PCED1B: variants seen among roughly 807,000 people sequenced by gnomAD.
PCED1B encodes the protein PC-esterase domain containing 1B, also known as PC-esterase domain-containing protein 1B.
For missense variants in PCED1B, 573 were observed against 573.9 expected (o/e 1.00, Z 0.02); for synonymous variants, 251 against 246.1 (o/e 1.02, Z -0.19).
intron 2 of PCED1B, among the ~76,000 whole-genome samples, chr12:47,197,615 AT>A (rs1942646361): frequency 6.6e-6 from 1 of 151,748 alleles, no homozygotes; most frequent in Non-Finnish European, 1.5e-5. Flanking sequence ...TCTCAAAAAA[AT>A]AAATAAATAA....
intron 2 of PCED1B, among the ~76,000 whole-genome samples, chr12:47,141,195 T>C (rs183300086): frequency 6.6e-6 from 1 of 152,226 alleles, no homozygotes; most frequent in African/African-American, 2.4e-5. Context: ...GAGGAAAAAG[T>C]GATGGAATAG....
In PCED1B at chr12:47,218,115, A is replaced by G. The variant is rs148665099; in HGVS notation, c.-58+1426A>G. 3.3e-4 allele frequency among the ~76,000 whole-genome samples: 50 copies of G among 152,304 alleles called. No homozygotes were observed. The East Asian group carries it at 9.6e-3, about 29-fold the overall frequency. ...CACAGCATTTCATTTGATTTCCACA[A>G]TTAACTCTAAGGTAGGCAGTGCAGA... On this transcript the variant is annotated intron_variant, in intron 3 of 3. Coordinates refer to ENST00000546455, the MANE Select transcript of PCED1B (RefSeq NM_138371.3).
intron 2 of PCED1B, among the ~76,000 whole-genome samples, chr12:47,165,300 A>G (rs1228673480): frequency 6.6e-6 from 1 of 152,202 alleles, no homozygotes; most frequent in Non-Finnish European, 1.5e-5. Flanking sequence ...TCCACATAGT[A>G]CTGCCTGTGG....
At chr12:47,131,887 T>C (rs923885046) in intron 2 of PCED1B, among the ~76,000 whole-genome samples, 1 of 152,106 alleles carries the variant, frequency 6.6e-6, no homozygotes, top group Admixed American at 6.5e-5. Flanking sequence ...CAGGGTGGTC[T>C]TGATCTCCTG....
Position 47,228,873 on chromosome 12 carries a change from CA to C in PCED1B, c.-57-6123del, listed in dbSNP as rs1191004753. Among the ~76,000 whole-genome samples, 950 of 137,610 alleles carry C rather than the reference CA, an allele frequency of 6.9e-3. 6 individuals carry two copies. The highest frequency in any genetic ancestry group is 0.024 in the African/African-American group (899 of 37,324). The allele number at this position is 137,610 out of a possible 152,430, so 90.3% of individuals were successfully genotyped here. The stretch of plus-strand genomic sequence containing the variant: ...GGGCAACCAGAGTGAAACTCCGTCT[CA>C]AAAAAAAAAAGTTACCTCATGAAGA... On this transcript the variant is annotated intron_variant, in intron 3 of 3. Transcript: ENST00000546455.
rs1943376434 is a variant in PCED1B at position 47,218,653 on chromosome 12, A to G, written c.-58+1964A>G. 4.5e-5 allele frequency among the ~76,000 whole-genome samples: 5 copies of G among 110,758 alleles called. No homozygotes were observed. The South Asian group carries it at 1.3e-3, about 28-fold the overall frequency. 72.7% of individuals were successfully genotyped at this position (110,758 alleles called of 152,430 possible). The stretch of plus-strand genomic sequence containing the variant: ...AGACATGCGCCACCACATCCTGATC[A>G]TTTTTAATTTTTTTTCTTTTTTTTT... On this transcript the variant is annotated intron_variant, in intron 3 of 3. Coordinates refer to ENST00000546455, the MANE Select transcript of PCED1B (RefSeq NM_138371.3).
At chr12:47,162,897 G>A (rs978383118) in intron 2 of PCED1B, among the ~76,000 whole-genome samples, 8 of 152,070 alleles carry the variant, frequency 5.3e-5, no homozygotes, top group Non-Finnish European at 8.8e-5. Flanking sequence ...TTGCAAGATC[G>A]CTTTGGCTAT....
intron 2 of PCED1B, among the ~76,000 whole-genome samples, chr12:47,184,861 A>C (rs832727): frequency 0.63 from 95,665 of 152,020 alleles, 30,222 homozygotes; most frequent in East Asian, 0.71. Flanking sequence ...AGTTTTGTGT[A>C]TGCATTGGAA....
chr12:47,158,532 C>T (rs1454278997), intron 2 of PCED1B, among the ~76,000 whole-genome samples: 1 of 152,002 alleles, frequency 6.6e-6, no homozygotes, highest in African/African-American at 2.4e-5. Context: ...TTATGAGTTC[C>T]ATTTATATTT....
intron 3 of PCED1B, among the ~76,000 whole-genome samples, chr12:47,222,862 G>A (rs924407558): frequency 7.9e-5 from 12 of 152,162 alleles, no homozygotes; most frequent in African/African-American, 2.9e-4. Context: ...ATACAAATGG[G>A]AATTGATAAG....
At chr12:47,193,074 T>C (rs938341044) in intron 2 of PCED1B, among the ~76,000 whole-genome samples, 1 of 152,242 alleles carries the variant, frequency 6.6e-6, no homozygotes, top group Non-Finnish European at 1.5e-5. Context: ...TAATTGTTTT[T>C]GCATGTCTCT....
chr12:47,181,666 C>T (rs766582346), intron 2 of PCED1B, among the ~76,000 whole-genome samples: 3 of 151,664 alleles, frequency 2.0e-5, no homozygotes, highest in East Asian at 1.9e-4. Flanking sequence ...CCCACCTGGC[C>T]GAGATAGATT....
At chr12:47,102,856 AAG>A (rs1938772824) in intron 1 of PCED1B, among the ~76,000 whole-genome samples, 1 of 152,248 alleles carries the variant, frequency 6.6e-6, no homozygotes, top group Non-Finnish European at 1.5e-5. Flanking sequence ...AGTAACGTAG[AAG>A]AGTTTCCTCA....
At chr12:47,095,911 C>T (rs1448495470) in intron 1 of PCED1B, among the ~76,000 whole-genome samples, 1 of 152,042 alleles carries the variant, frequency 6.6e-6, no homozygotes, top group South Asian at 2.1e-4. Flanking sequence ...ATCTGAGAAG[C>T]TTGGTTTTTT....
intron 3 of PCED1B, 95 bp downstream of exon 3, chr12:47,216,784 G>A (rs1176204946): frequency 2.0e-5 from 3 of 152,224 alleles, no homozygotes; most frequent in African/African-American, 7.2e-5. Flanking sequence ...GGCACTTACT[G>A]TAGACAGGAA....
chr12:47,119,858 G>A (rs1939598392), intron 2 of PCED1B, among the ~76,000 whole-genome samples: 1 of 151,726 alleles, frequency 6.6e-6, no homozygotes, highest in Non-Finnish European at 1.5e-5. Context: ...CCAGCTACTT[G>A]GGGGAGGCTG....
At chr12:47,228,923 G>C (rs1430530701) in intron 3 of PCED1B, among the ~76,000 whole-genome samples, 7 of 151,024 alleles carry the variant, frequency 4.6e-5, no homozygotes, top group Non-Finnish European at 8.8e-5. Flanking sequence ...AAGCACCTGG[G>C]ATCTAGTAGC....
At chr12:47,214,488 T>G (rs1943188344) in intron 2 of PCED1B, among the ~76,000 whole-genome samples, 1 of 151,968 alleles carries the variant, frequency 6.6e-6, no homozygotes, top group Non-Finnish European at 1.5e-5. Context: ...CAAATTAAAT[T>G]GACATAAAAC....
At chr12:47,171,172 A>G (rs1182384509) in intron 2 of PCED1B, among the ~76,000 whole-genome samples, 1 of 148,934 alleles carries the variant, frequency 6.7e-6, no homozygotes, top group Non-Finnish European at 1.5e-5. Context: ...GGTTCAAGCG[A>G]TTGCTCTGCC....
Sources: gnomAD v4.1 joint callset for allele counts (sites outside exome capture counted in the v4.1 genomes callset) on GRCh38, gnomAD v4.1.1 for gene constraint, MANE v1.5 for transcripts, NCBI Gene and HGNC (gene_info 2026-07-23, HGNC 2026-07-21) for gene names.